Variants in EVL observed in about 807,000 individuals in gnomAD.
EVL encodes ena/VASP-like protein.
A neutral mutation model predicts 59.6 loss-of-function variants in EVL; 21 were observed. That is an observed-to-expected ratio of 0.35 (90% CI 0.25 to 0.51). The LOEUF (loss-of-function observed/expected upper bound fraction) is 0.51, where lower values mean the gene tolerates loss of function less well. Ranked by LOEUF, EVL falls within the 20% of genes least tolerant of loss-of-function variation. EVL has a pLI of 0.97. For missense variants in EVL, 462 were observed against 546.6 expected, an observed-to-expected ratio of 0.85 and a Z score of 1.54; for synonymous variants, 198 against 203.5, an observed-to-expected ratio of 0.97 and a Z score of 0.23.
chr14:100,010,822 T>C (rs966698312), intron 1 of EVL, among the ~76,000 whole-genome samples: 1 of 152,216 alleles, frequency 6.6e-6, no homozygotes, highest in African/African-American at 2.4e-5. Flanking sequence ...CGGTTAATTA[T>C]GGCAACTGCC....
At chr14:100,098,931 A>C (rs564917821) in intron 3 of EVL, among the ~76,000 whole-genome samples, 1 of 152,202 alleles carries the variant, frequency 6.6e-6, no homozygotes, top group East Asian at 1.9e-4. Context: ...TAACAACTCT[A>C]TTAGCATTTG....
chr14:100,087,095 T>C (rs2062461196), intron 2 of EVL, among the ~76,000 whole-genome samples: 1 of 152,266 alleles, frequency 6.6e-6, no homozygotes, highest in Non-Finnish European at 1.5e-5. Context: ...TAATGCTCTT[T>C]ATGGTTAATG....
intron 3 of EVL, among the ~76,000 whole-genome samples, chr14:100,117,804 G>A (rs572041222): frequency 2.0e-3 from 298 of 152,276 alleles, no homozygotes; most frequent in Middle Eastern, 3.4e-3. Flanking sequence ...CTGATAGCTC[G>A]TGAGGCCCAG....
In EVL at chr14:100,127,597, C is replaced by T. The variant is rs1216883535; in HGVS notation, c.487+826C>T. 2.0e-5 allele frequency among the ~76,000 whole-genome samples: 3 copies of T among 152,166 alleles called. No homozygotes were observed. Among genetic ancestry groups the T allele is most frequent in the Non-Finnish European group, 2.9e-5 (2 of 68,032 alleles). ...CACTCTTGGAACAGCCTGTGCCTGC[C>T]CTCTCTCCCTCTAGTGCCTCGCAAG... On this transcript the variant is annotated intron_variant, in intron 5 of 13. Transcript: ENST00000392920. The surrounding 1 kb of genome is among the most constrained non-coding windows in gnomAD (Gnocchi z 4.2).
chr14:100,042,182 T>C (rs1017357750), intron 1 of EVL, among the ~76,000 whole-genome samples: 4 of 152,238 alleles, frequency 2.6e-5, no homozygotes, highest in South Asian at 2.1e-4. Flanking sequence ...CTTTGAAATT[T>C]GGGCTGTATT....
chr14:100,052,393 T>C lies in EVL; in HGVS notation c.6-32294T>C, dbSNP rs186365310. Among the ~76,000 whole-genome samples the C allele has an allele frequency of 9.5e-4, 145 of 152,336 alleles. 1 individual carries two copies. Among genetic ancestry groups the C allele is most frequent in the Admixed American group, 5.9e-3 (91 of 15,306 alleles). On this transcript the variant is annotated intron_variant, in intron 1 of 13. Transcript: ENST00000402714. ...GCATGCATGCCATATATAATGTTTC[T>C]AAATATTACATCTTTTCGCAACCAT...
chr14:100,042,184 G>A (rs1326411715), intron 1 of EVL, among the ~76,000 whole-genome samples: 2 of 151,876 alleles, frequency 1.3e-5, no homozygotes, highest in Non-Finnish European at 2.9e-5. Context: ...TTGAAATTTG[G>A]GCTGTATTTT....
chr14:100,116,892 G>A (rs1488766485), intron 3 of EVL, among the ~76,000 whole-genome samples: 2 of 152,328 alleles, frequency 1.3e-5, no homozygotes, highest in Middle Eastern at 3.4e-3. Flanking sequence ...TATAGAAAAT[G>A]GAAGTCCAGA....
In EVL at chr14:100,128,725, G is replaced by A; in HGVS notation, c.694G>A (p.Ala232Thr). Reference protein sequence around the residue: ...MSGLAAAIAGAKLRRVQRPED... With the variant: ...MSGLAAAIAGTKLRRVQRPED... The stretch of plus-strand genomic sequence containing the variant: ...AGGACTGGCCGCTGCCATAGCTGGG[G>A]CCAAGCTGAGAAGAGTCCAACGGGT... The change falls in exon 6 of 14, where the codon GCC becomes ACC. Residue 232 changes from alanine (A) to threonine (T), a missense_variant. Physicochemically the swap from Ala to Thr is moderately conservative, Grantham distance 58 (BLOSUM62 0). Transcript: ENST00000392920. 7 of 1,606,390 alleles carry A rather than the reference G, an allele frequency of 4.4e-6. No individual in the cohort carries two copies. Among genetic ancestry groups the A allele is most frequent in the Non-Finnish European group, 5.9e-6 (7 of 1,179,624 alleles).
At chr14:100,139,905 C>G (rs954906871) in intron 11 of EVL, 1 of 152,232 alleles carries the variant, frequency 6.6e-6, no homozygotes, top group African/African-American at 2.4e-5. Context: ...TTTAAAAGAC[C>G]AGAGAGACAA....
intron 4 of EVL, 118 bp downstream of exon 4, chr14:100,123,720 C>T: frequency 9.6e-7 from 1 of 1,038,358 alleles, no homozygotes; most frequent in East Asian, 2.6e-5. Context: ...TAGAGGCATA[C>T]ACTGCGGGAG....
At chr14:100,129,104 C>T (rs1277098378) in intron 6 of EVL, among the ~76,000 whole-genome samples, 1 of 152,212 alleles carries the variant, frequency 6.6e-6, no homozygotes, top group Non-Finnish European at 1.5e-5. Flanking sequence ...ATGTCCATTG[C>T]CCTTTCCACT....
At chr14:99,987,068 T>G (rs1441843704) in intron 1 of EVL, among the ~76,000 whole-genome samples, 1 of 152,144 alleles carries the variant, frequency 6.6e-6, no homozygotes, top group African/African-American at 2.4e-5. Context: ...TTATCAAAAT[T>G]AAAAATGTTT....
rs1214176020 is a variant in EVL, at chr14:100,140,893, CCA to C, written c.1095-285_1095-284del. The C allele has an allele frequency of 4.5e-5, 15 of 336,388 alleles. No homozygotes were observed. In the Admixed American group the frequency reaches 6.7e-4, roughly 15 times the overall value. 20.8% of individuals were successfully genotyped at this position (336,388 alleles called of 1,614,324 possible). On this transcript the variant is annotated intron_variant, in intron 11 of 13. Coordinates refer to ENST00000392920, the MANE Select transcript of EVL (RefSeq NM_016337.3). ...GGGTGCGATGTTGTCACTTAAGTTG[CCA>C]CCTCTGCATAAGAGCTCTCTGATCA...
At chr14:100,129,287 T>A (rs1053180302) in intron 6 of EVL, among the ~76,000 whole-genome samples, 1 of 151,740 alleles carries the variant, frequency 6.6e-6, no homozygotes, top group Non-Finnish European at 1.5e-5. Flanking sequence ...CCTCCATGTG[T>A]CATGGCTGGT....
Position 100,076,158 on chromosome 14 carries a change from G to C in EVL, c.12-8529G>C, listed in dbSNP as rs138971428. ...TAATTACTTGAGGAGTAGCAGAAAAGACATCTTAATTGGCCCAATGTCATG... is the reference window on the plus strand; with the variant it reads ...TAATTACTTGAGGAGTAGCAGAAAACACATCTTAATTGGCCCAATGTCATG... On this transcript the variant is annotated intron_variant, in intron 1 of 13. Transcript: ENST00000392920. Among the ~76,000 whole-genome samples the C allele has an allele frequency of 4.6e-5, 7 of 152,324 alleles. No individual in the cohort carries two copies. The East Asian group carries it at 1.3e-3, about 29-fold the overall frequency.
In EVL at chr14:99,987,508, G is replaced by A. The variant is rs186751923; in HGVS notation, c.5+15451G>A. On this transcript the variant is annotated intron_variant, in intron 1 of 13. Transcript: ENST00000402714. ...AATACAAAACTTAGCCTGGCATGGT[G>A]GCACACGCCTGTAATCCCAGCTACT... is the stretch of plus-strand genomic sequence containing the variant. Among the ~76,000 whole-genome samples the A allele has an allele frequency of 2.9e-3, 449 of 152,322 alleles. 1 individual carries two copies. The highest frequency in any genetic ancestry group is 4.6e-3 in the Admixed American group (70 of 15,296).
chr14:100,142,062 G>T, intron 13 of EVL: 1 of 352,420 alleles, frequency 2.8e-6, no homozygotes, highest in Non-Finnish European at 5.4e-6. Context: ...GAAGACCCAC[G>T]TGGGAAGAGC....
At chr14:99,978,295 C>G (rs1191023) in intron 1 of EVL, among the ~76,000 whole-genome samples, 23,088 of 149,410 alleles carry the variant, frequency 0.15, 2,213 homozygotes, top group East Asian at 0.3. Context: ...CCAGCTACTC[C>G]GGAGGCTGAG....
Sources: allele counts gnomAD v4.1 joint callset (sites outside exome capture counted in the v4.1 genomes callset), GRCh38; gene constraint gnomAD v4.1.1; non-coding constraint Gnocchi (gnomAD v3.1); transcripts MANE v1.5; gene names NCBI Gene and HGNC (gene_info 2026-07-23, HGNC 2026-07-21).